The following PLEKHA5 variants were observed in gnomAD, a reference collection of about 807,000 sequenced individuals.
The protein encoded by PLEKHA5 is pleckstrin homology domain-containing family A member 5.
Under a neutral mutation model 181.9 loss-of-function variants are expected in PLEKHA5, and 55 were observed. That is an observed-to-expected ratio of 0.30 (90% CI 0.24 to 0.38). The LOEUF (loss-of-function observed/expected upper bound fraction) is 0.38, where lower values mean the gene tolerates loss of function less well. Among genes scored for constraint, PLEKHA5 ranks in the 10% least tolerant of loss-of-function variants. The probability of loss-of-function intolerance (pLI) is 1.00; values close to 1 mark genes in which losing one functional copy is unlikely to be tolerated. For missense variants in PLEKHA5, 1,432 were observed against 1,549.5 expected, an observed-to-expected ratio of 0.92 and a Z score of 1.27; for synonymous variants, 535 against 529.4, an observed-to-expected ratio of 1.01 and a Z score of -0.15.
chr12:19,161,148 A>C (rs1377703238), intron 3 of PLEKHA5, among the ~76,000 whole-genome samples: 3 of 152,178 alleles, frequency 2.0e-5, no homozygotes. Flanking sequence ...TCATTCTCTG[A>C]ATAAAGGCAT....
At chr12:19,180,789 A>G (rs890222211) in intron 3 of PLEKHA5, among the ~76,000 whole-genome samples, 5 of 106,386 alleles carry the variant, frequency 4.7e-5, no homozygotes, top group Admixed American at 4.3e-4. Flanking sequence ...TTTGAAAAAT[A>G]TAGTGTTTTT....
chr12:19,181,437 G>GA (rs1396553153), intron 3 of PLEKHA5, among the ~76,000 whole-genome samples: 4 of 152,170 alleles, frequency 2.6e-5, no homozygotes, highest in Admixed American at 2.0e-4. Context: ...AGGTGATGCT[G>GA]AAAAAACATT....
intron 28 of PLEKHA5, 80 bp downstream of exon 28, chr12:19,359,626 A>G (rs1456302679): frequency 4.2e-6 from 6 of 1,417,196 alleles, no homozygotes; most frequent in Non-Finnish European, 4.9e-6. Context: ...TTGAAAATAA[A>G]GTGTGTTTCT....
At chr12:19,228,832 A>C (rs991441138) in intron 3 of PLEKHA5, among the ~76,000 whole-genome samples, 1 of 152,232 alleles carries the variant, frequency 6.6e-6, no homozygotes, top group African/African-American at 2.4e-5. Context: ...TGGAAAAAGC[A>C]TTACACTCTA....
At chr12:19,193,721 A>G (rs2051847426) in intron 3 of PLEKHA5, among the ~76,000 whole-genome samples, 1 of 152,172 alleles carries the variant, frequency 6.6e-6, no homozygotes, top group African/African-American at 2.4e-5. Flanking sequence ...CCATTCTTGC[A>G]TTGCTATAAA....
chr12:19,368,683 C>T (rs1267837483), intron 30 of PLEKHA5, among the ~76,000 whole-genome samples: 1 of 152,040 alleles, frequency 6.6e-6, no homozygotes, highest in African/African-American at 2.4e-5. Flanking sequence ...CCCAGCTACT[C>T]AGGAGGCTGA....
At chr12:19,179,294 T>C (rs2047997441) in intron 3 of PLEKHA5, among the ~76,000 whole-genome samples, 1 of 152,198 alleles carries the variant, frequency 6.6e-6, no homozygotes, top group Non-Finnish European at 1.5e-5. Context: ...CACACTGTGA[T>C]CTCAGTTTTA....
rs767132297 is a variant in PLEKHA5 at position 19,345,878 on chromosome 12, A to G, written c.2699A>G (p.Tyr900Cys). Residue 900 changes from tyrosine to cysteine, a missense_variant, in exon 23 of 32, where the codon TAC (tyrosine) becomes TGC (cysteine). Around this residue, in one of 2 missense-constraint regions of PLEKHA5, gnomAD observed 1,143 missense variants for 1,168.4 expected, o/e 0.98. Transcript: ENST00000429027. ...IGSKPFSTVK[Y>C]KNEEEEVVPP... ...TCAAAGCCTTTCTCAACAGTTAAGT[A>G]CAAAAATGAGGTAAGTTTGGATTGT... 10 of 1,479,062 alleles carry G rather than the reference A, an allele frequency of 6.8e-6. No homozygotes were observed. The Admixed American group carries it at 1.8e-4, about 26-fold the overall frequency. The allele number at this position is 1,479,062 out of a possible 1,614,324, so 91.6% of individuals were successfully genotyped here.
chr12:19,183,337 C>T (rs540544342), intron 3 of PLEKHA5, among the ~76,000 whole-genome samples: 16 of 152,230 alleles, frequency 1.1e-4, no homozygotes, highest in African/African-American at 3.9e-4. Flanking sequence ...CCTCTGAGTG[C>T]CAGAGAGCCA....
intron 3 of PLEKHA5, among the ~76,000 whole-genome samples, chr12:19,143,305 T>A (rs1300571695): frequency 6.6e-6 from 1 of 152,268 alleles, no homozygotes; most frequent in African/African-American, 2.4e-5. Context: ...GGCATTTTTT[T>A]AAAGTTAGTA....
intron 3 of PLEKHA5, among the ~76,000 whole-genome samples, chr12:19,248,679 A>C (rs1372534719): frequency 6.6e-6 from 1 of 152,160 alleles, no homozygotes; most frequent in Non-Finnish European, 1.5e-5. Context: ...GGCAGTACCA[A>C]CTAGGTTTGT....
At chr12:19,241,437 G>GTCTTAAT (rs1212385342) in intron 3 of PLEKHA5, among the ~76,000 whole-genome samples, 3 of 152,108 alleles carry the variant, frequency 2.0e-5, no homozygotes, top group African/African-American at 7.2e-5. Flanking sequence ...AATACATACT[G>GTCTTAAT]TCTTAATTTT....
At chr12:19,238,799 C>CAAAA (rs3056444) in intron 3 of PLEKHA5, among the ~76,000 whole-genome samples, 3 of 85,486 alleles carry the variant, frequency 3.5e-5, no homozygotes, top group Non-Finnish European at 7.3e-5. Flanking sequence ...TAAATCTGGC[C>CAAAA]AAAAAAAAAA....
chr12:19,278,843 C>G (rs1408230431), intron 11 of PLEKHA5, among the ~76,000 whole-genome samples: 1 of 152,142 alleles, frequency 6.6e-6, no homozygotes, highest in Non-Finnish European at 1.5e-5. Flanking sequence ...GATGGTTGGC[C>G]TGAATGCAGC....
intron 3 of PLEKHA5, among the ~76,000 whole-genome samples, chr12:19,186,043 A>G (rs1047008462): frequency 6.6e-6 from 1 of 152,188 alleles, no homozygotes; most frequent in Non-Finnish European, 1.5e-5. Flanking sequence ...CCAACCACAT[A>G]CATGTCTTAG....
chr12:19,285,622 A>T (rs2077058127), intron 12 of PLEKHA5, among the ~76,000 whole-genome samples: 1 of 152,186 alleles, frequency 6.6e-6, no homozygotes, highest in Non-Finnish European at 1.5e-5. Flanking sequence ...GGTGAGTAAA[A>T]TTTCTGGCAC....
At chr12:19,205,315 GA>G in intron 3 of PLEKHA5, 3 of 938,374 alleles carry the variant, frequency 3.2e-6, no homozygotes, top group Non-Finnish European at 3.8e-6. Context: ...TCTTATAGTG[GA>G]AAGAGCAGAA....
At chr12:19,164,821 C>G (rs2043908817) in intron 3 of PLEKHA5, among the ~76,000 whole-genome samples, 1 of 152,162 alleles carries the variant, frequency 6.6e-6, no homozygotes, top group Non-Finnish European at 1.5e-5. Flanking sequence ...AAAATTTTAT[C>G]TCTGGCTGTC....
At chr12:19,267,055 C>G (rs2152683366) in intron 8 of PLEKHA5, among the ~76,000 whole-genome samples, 1 of 152,192 alleles carries the variant, frequency 6.6e-6, no homozygotes, top group African/African-American at 2.4e-5. Flanking sequence ...GTTTGTGGAT[C>G]ACTCTCAAGT....
Sources: gnomAD v4.1 joint callset for allele counts (sites outside exome capture counted in the v4.1 genomes callset) on GRCh38, gnomAD v4.1.1 for gene constraint, gnomAD v4.1.1 regional missense constraint, MANE v1.5 for transcripts, NCBI Gene and HGNC (gene_info 2026-07-23, HGNC 2026-07-21) for gene names.